Variants in ZNF273 observed in about 807,000 individuals in gnomAD.
ZNF273 encodes the protein zinc finger protein 273.
In ZNF273, 11 loss-of-function variants were observed where a neutral mutation model predicts 14.9. The observed-to-expected ratio is 0.74, with a 90% CI of 0.46 to 1.22. The LOEUF is 1.22. ZNF273 is among the 50% of genes most tolerant of loss of function. ZNF273 has a pLI of 0.00. For missense variants in ZNF273, 577 were observed against 660.6 expected (o/e 0.87, Z 1.39); for synonymous variants, 199 against 223.9 (o/e 0.89, Z 0.99).
chr7:64,906,606 C>T (rs1793126643), intron 1 of ZNF273, among the ~76,000 whole-genome samples: 1 of 152,102 alleles, frequency 6.6e-6, no homozygotes, highest in Non-Finnish European at 1.5e-5. Context: ...TTATTAAAGG[C>T]CCAGTTAGGT....
At chr7:64,887,617 C>T (rs1583958624) in intron 1 of ZNF273, among the ~76,000 whole-genome samples, 2 of 152,252 alleles carry the variant, frequency 1.3e-5, no homozygotes, top group South Asian at 2.1e-4. Flanking sequence ...CCTGCCTCAG[C>T]CTCCCAAGTA....
At chr7:64,915,882 C>T (rs1793940679) in intron 1 of ZNF273, among the ~76,000 whole-genome samples, 1 of 152,080 alleles carries the variant, frequency 6.6e-6, no homozygotes, top group African/African-American at 2.4e-5. Flanking sequence ...ATTTATTACC[C>T]AAAAAGTTCT....
intron 1 of ZNF273, among the ~76,000 whole-genome samples, chr7:64,912,555 A>G (rs1270873811): frequency 6.6e-6 from 1 of 152,094 alleles, no homozygotes; most frequent in Non-Finnish European, 1.5e-5. Context: ...TACTCCTTAG[A>G]TGCCTGAATC....
chr7:64,927,999 A>C lies in ZNF273; in HGVS notation c.671A>C (p.His224Pro), dbSNP rs1379386021. 1 of 1,613,944 alleles carries C rather than the reference A, an allele frequency of 6.2e-7. No individual in the cohort carries two copies. The highest frequency in any genetic ancestry group is 1.1e-5 in the South Asian group (1 of 91,084). ...TGCATACTTTCACAACTAACTCAGC[A>C]TAAGAAAACTGCTACTAGAGTGAAT... ...SCCILSQLTQ[H>P]KKTATRVNFY... The change falls in exon 4 of 4, where the codon CAT becomes CCT. Residue 224 changes from histidine (H) to proline (P), a missense_variant. By Grantham distance (77) the His-to-Pro change is moderately conservative. This residue lies in a region of ZNF273 where 411 missense variants were observed against 440.4 expected (regional missense o/e 0.93). Coordinates refer to ENST00000476120, the MANE Select transcript of ZNF273 (RefSeq NM_021148.3).
intron 1 of ZNF273, among the ~76,000 whole-genome samples, chr7:64,912,825 A>ATTTTTTTTT: frequency 5.9e-5 from 1 of 16,860 alleles, no homozygotes; most frequent in Non-Finnish European, 3.5e-4. Context: ...GATTCATTTT[A>ATTTTTTTTT]GTTTTTTTTT....
At chr7:64,883,397 C>T (rs1156263448), downstream of ZNF273, among the ~76,000 whole-genome samples, 5 of 152,232 alleles carry the variant, frequency 3.3e-5, no homozygotes, top group African/African-American at 9.6e-5. Context: ...CGCTTCACGT[C>T]GTGAGGCGGG....
At chr7:64,921,641 TGTGA>T (rs2129092323) in intron 3 of ZNF273, among the ~76,000 whole-genome samples, 1 of 34,870 alleles carries the variant, frequency 2.9e-5, no homozygotes, top group South Asian at 8.5e-4. Flanking sequence ...TTTTTTTGTG[TGTGA>T]GACAGAGTCT....
At chr7:64,887,797 CTTTT>C (rs779641845) in intron 1 of ZNF273, among the ~76,000 whole-genome samples, 1 of 143,598 alleles carries the variant, frequency 7.0e-6, no homozygotes, top group Non-Finnish European at 1.5e-5. Flanking sequence ...CGTGCCCTGT[CTTTT>C]TTTTTTTTTT....
chr7:64,921,605 CTTTTTTTTTTTTTTTTT>C (rs752363426), intron 3 of ZNF273, among the ~76,000 whole-genome samples: 7 of 57,968 alleles, frequency 1.2e-4, no homozygotes, highest in South Asian at 7.2e-4. Flanking sequence ...CATGCTAATG[CTTTTTTTTTTTTTTTTT>C]TTTTTTTTTT....
At chr7:64,905,705 A>T (rs955191051) in intron 1 of ZNF273, among the ~76,000 whole-genome samples, 1 of 152,204 alleles carries the variant, frequency 6.6e-6, no homozygotes, top group Non-Finnish European at 1.5e-5. Context: ...GTCTCCGAAG[A>T]GGGTGGTCGT....
At position 64,912,846 on chromosome 7, in the gene ZNF273, T is replaced by TTTTTTTTTTTTTTTTTTTTTG. The variant is rs1562959220; in HGVS notation, c.103-4735_103-4734insTTTTTTTTTTTTTTTTTTTTG. On this transcript the variant is annotated intron_variant, in intron 1 of 3. Transcript: ENST00000476120. ...TTTTAGTTTTTTTTTTTTTTTTTTT[T>TTTTTTTTTTTTTTTTTTTTTG]GAGATTGAGTTTCGCTCTGTCATCC... Among the ~76,000 whole-genome samples, 87 of 98,258 alleles carry TTTTTTTTTTTTTTTTTTTTTG rather than the reference T, an allele frequency of 8.9e-4. 22 individuals are homozygous for TTTTTTTTTTTTTTTTTTTTTG. Among genetic ancestry groups the TTTTTTTTTTTTTTTTTTTTTG allele is most frequent in the Non-Finnish European group, 1.8e-3 (72 of 39,240 alleles). The allele number at this position is 98,258 out of a possible 152,430, so 64.5% of individuals were successfully genotyped here.
At chr7:64,899,017 G>A (rs1401171075), upstream of ZNF273, among the ~76,000 whole-genome samples, 1 of 152,220 alleles carries the variant, frequency 6.6e-6, no homozygotes, top group East Asian at 1.9e-4. Context: ...AAACATGAAA[G>A]CAAAGCAGAG....
At chr7:64,881,344 G>A (rs1583947742), downstream of ZNF273, among the ~76,000 whole-genome samples, 1 of 152,252 alleles carries the variant, frequency 6.6e-6, no homozygotes. Flanking sequence ...GCTTCCACAG[G>A]AAACGATTCC....
intron 2 of ZNF273, 47 bp from the exon 3 acceptor site, chr7:64,918,150 T>C (rs763906228): frequency 6.0e-6 from 9 of 1,506,076 alleles, no homozygotes; most frequent in East Asian, 2.8e-5. Context: ...TGGTTGATAA[T>C]TGGAGAATAT....
At chr7:64,902,299 C>G (rs1056045599), upstream of ZNF273, among the ~76,000 whole-genome samples, 2 of 151,760 alleles carry the variant, frequency 1.3e-5, no homozygotes, top group African/African-American at 4.8e-5. Flanking sequence ...AAATCTCAGG[C>G]TGCCTGCTTA....
chr7:64,881,440 T>A (rs1458585092), downstream of ZNF273, among the ~76,000 whole-genome samples: 1 of 152,258 alleles, frequency 6.6e-6, no homozygotes, highest in Non-Finnish European at 1.5e-5. Flanking sequence ...TAGGCTGCTG[T>A]GATACTTTTG....
At chr7:64,890,602 T>C (rs76691492), downstream of ZNF273, among the ~76,000 whole-genome samples, 2,653 of 152,208 alleles carry the variant, frequency 0.017, 128 homozygotes, top group East Asian at 0.14. Context: ...ACAGAGCAGG[T>C]CAGTGGCAGG....
upstream of ZNF273, among the ~76,000 whole-genome samples, chr7:64,899,497 A>T (rs544745690): frequency 4.5e-4 from 69 of 152,176 alleles, no homozygotes; most frequent in African/African-American, 1.5e-3. Context: ...TCTACTAAAA[A>T]CACAAGAATT....
At chr7:64,933,817 A>G (rs771184685), downstream of ZNF273, among the ~76,000 whole-genome samples, 2 of 151,836 alleles carry the variant, frequency 1.3e-5, no homozygotes, top group Non-Finnish European at 2.9e-5. Flanking sequence ...TATATATACA[A>G]TGTCAAATGC....
Sources: gnomAD v4.1 joint callset for allele counts (sites outside exome capture counted in the v4.1 genomes callset) on GRCh38, gnomAD v4.1.1 for gene constraint, gnomAD v4.1.1 regional missense constraint, MANE v1.5 for transcripts, NCBI Gene and HGNC (gene_info 2026-07-23, HGNC 2026-07-21) for gene names.